Variants in PCDHA3 observed in about 807,000 individuals in gnomAD.
PCDHA3 encodes the protein protocadherin alpha 3, also known as protocadherin alpha-3.
A neutral mutation model predicts 62.2 loss-of-function variants in PCDHA3; 41 were observed. The ratio of observed to expected loss-of-function variants is 0.66; its 90% CI spans 0.51 to 0.86. The LOEUF is 0.86. Ranked by LOEUF, PCDHA3 falls within the 40% of genes least tolerant of loss-of-function variation. The pLI is 0.00. For missense variants in PCDHA3, 1,304 were observed against 1,241.2 expected, an observed-to-expected ratio of 1.05 and a Z score of -0.76; for synonymous variants, 640 against 555.4, an observed-to-expected ratio of 1.15 and a Z score of -2.14.
intron 1 of PCDHA3, among the ~76,000 whole-genome samples, chr5:140,926,200 G>A (rs1050721250): frequency 6.6e-6 from 1 of 151,674 alleles, no homozygotes; most frequent in Non-Finnish European, 1.5e-5. Context: ...ACTTCTTTCG[G>A]GGGGCTCCTG....
At chr5:140,980,237 A>C (rs1159780134) in intron 2 of PCDHA3, among the ~76,000 whole-genome samples, 1 of 152,238 alleles carries the variant, frequency 6.6e-6, no homozygotes, top group Non-Finnish European at 1.5e-5. Context: ...GTTGGTGGAG[A>C]CATGCAATGG....
chr5:140,980,110 A>G (rs2096876892), intron 2 of PCDHA3, among the ~76,000 whole-genome samples: 1 of 152,208 alleles, frequency 6.6e-6, no homozygotes, highest in Admixed American at 6.5e-5. Context: ...GTCACATTGG[A>G]ACCTGGGTCA....
chr5:140,869,517 A>AT, intron 1 of PCDHA3: 1 of 1,614,200 alleles, frequency 6.2e-7, no homozygotes, highest in East Asian at 2.2e-5. Flanking sequence ...TCAGAGAACA[A>AT]AAGCTGCTGA....
At chr5:140,918,237 T>C (rs2078587640) in intron 1 of PCDHA3, among the ~76,000 whole-genome samples, 2 of 152,240 alleles carry the variant, frequency 1.3e-5, no homozygotes, top group Admixed American at 1.3e-4. Context: ...TGTACATTGA[T>C]TTTGTATGCT....
chr5:140,916,188 G>A (rs1288181230), intron 1 of PCDHA3, among the ~76,000 whole-genome samples: 2 of 152,208 alleles, frequency 1.3e-5, no homozygotes, highest in East Asian at 3.9e-4. Context: ...TCAAGGAAGT[G>A]GGCACCCCTC....
chr5:140,821,988 G>A (rs2150112671), intron 1 of PCDHA3: 52 of 1,614,070 alleles, frequency 3.2e-5, no homozygotes, highest in Admixed American at 3.2e-4. Flanking sequence ...AGGGCCGCGG[G>A]GACCTTCTGG....
chr5:140,911,378 C>T lies in PCDHA3; in HGVS notation c.2395-67571C>T, dbSNP rs184939316. On this transcript the variant is annotated intron_variant, in intron 1 of 3. Transcript: ENST00000522353. ...ACAGTAGACACCTGGCAAGGCTGTG[C>T]ATGCACCTTTCATTGCAGGTCAGCC... Among the ~76,000 whole-genome samples the T allele has an allele frequency of 8.0e-3, 1,215 of 152,282 alleles. 6 individuals carry two copies. The highest frequency in any genetic ancestry group is 0.019 in the African/African-American group (783 of 41,542).
intron 1 of PCDHA3, chr5:140,828,134 C>T (rs2150151262): frequency 1.9e-6 from 3 of 1,613,682 alleles, no homozygotes; most frequent in South Asian, 1.1e-5. Flanking sequence ...GCAATGTCTG[C>T]TCCTCCCGCT....
chr5:140,845,039 C>T (rs1485557365), intron 1 of PCDHA3, among the ~76,000 whole-genome samples: 2 of 149,068 alleles, frequency 1.3e-5, no homozygotes, highest in Non-Finnish European at 3.0e-5. Context: ...ATTTTAGCCC[C>T]CTTGTCCAAC....
chr5:140,828,194 G>C, intron 1 of PCDHA3: 1 of 1,614,066 alleles, frequency 6.2e-7, no homozygotes, highest in Non-Finnish European at 8.5e-7. Flanking sequence ...CCACTACTCC[G>C]TACCCGAGGA....
chr5:140,919,080 T>C (rs1208413625), intron 1 of PCDHA3, among the ~76,000 whole-genome samples: 1 of 152,260 alleles, frequency 6.6e-6, no homozygotes, highest in Non-Finnish European at 1.5e-5. Flanking sequence ...GTTATGACTA[T>C]TGAATTGTCT....
In PCDHA3 at chr5:140,803,006, C is replaced by T; in HGVS notation, c.1809C>T (p.Tyr603=). ...KVRAVDADSG[Y]NAWLSYELQP... is the part of the protein sequence containing the mutation. ...GCGCAGTGGATGCAGACTCAGGCTA[C>T]AACGCGTGGCTTTCGTATGAGCTGC... The change falls in exon 1 of 4, where the codon TAC becomes TAT. Residue 603 remains tyrosine (Y), a synonymous_variant. Coordinates refer to ENST00000522353, the MANE Select transcript of PCDHA3 (RefSeq NM_018906.3). 6.2e-7 allele frequency: 1 copy of T among 1,614,028 alleles called. No individual in the cohort carries two copies. Among genetic ancestry groups the T allele is most frequent in the Non-Finnish European group, 8.5e-7 (1 of 1,179,928 alleles).
intron 1 of PCDHA3, among the ~76,000 whole-genome samples, chr5:140,978,653 G>T (rs527551897): frequency 6.6e-6 from 1 of 152,196 alleles, no homozygotes; most frequent in Non-Finnish European, 1.5e-5. Flanking sequence ...TGTTCTTCCC[G>T]TAGTGTTTTA....
chr5:140,823,944 G>T, intron 1 of PCDHA3: 1 of 1,613,944 alleles, frequency 6.2e-7, no homozygotes, highest in African/African-American at 1.3e-5. Context: ...TGCGGTGCTC[G>T]GCGCAGCCCA....
chr5:140,967,460 G>C, intron 1 of PCDHA3: 1 of 1,613,538 alleles, frequency 6.2e-7, no homozygotes, highest in African/African-American at 1.3e-5. Context: ...AGCCGTGGAT[G>C]GGGGCATCCC....
intron 1 of PCDHA3, among the ~76,000 whole-genome samples, chr5:140,920,101 G>A (rs880001163): frequency 2.0e-5 from 3 of 152,180 alleles, no homozygotes; most frequent in African/African-American, 7.2e-5. Flanking sequence ...TCTAAAGGGA[G>A]TGCAACCTTG....
At chr5:140,836,966 T>G in intron 1 of PCDHA3, 1 of 388,302 alleles carries the variant, frequency 2.6e-6, no homozygotes, top group Non-Finnish European at 4.5e-6. Context: ...TGTTGGCTAC[T>G]CTCCATTTTT....
intron 1 of PCDHA3, among the ~76,000 whole-genome samples, chr5:140,941,846 C>T (rs2093181493): frequency 6.6e-6 from 1 of 152,178 alleles, no homozygotes; most frequent in Non-Finnish European, 1.5e-5. Flanking sequence ...CTGCCATTAC[C>T]TGATATTCCC....
intron 1 of PCDHA3, chr5:140,808,489 G>T: frequency 2.5e-6 from 4 of 1,614,158 alleles, no homozygotes; most frequent in East Asian, 2.2e-5. Context: ...GCTCGCCTTC[G>T]CTGTGGGCCA....
Sources: allele counts gnomAD v4.1 joint callset (sites outside exome capture counted in the v4.1 genomes callset), GRCh38; gene constraint gnomAD v4.1.1; transcripts MANE v1.5; gene names NCBI Gene and HGNC (gene_info 2026-07-23, HGNC 2026-07-21).